NR2E3: variants seen among roughly 807,000 people sequenced by gnomAD.
The protein encoded by NR2E3 is nuclear receptor subfamily 2 group E member 3, also known as photoreceptor-specific nuclear receptor.
In NR2E3, 38 loss-of-function variants were observed where a neutral mutation model predicts 37.6. That is an observed-to-expected ratio of 1.01 (90% confidence interval 0.78 to 1.33). The LOEUF is 1.33. Ranked by LOEUF, NR2E3 falls within the 40% of genes most tolerant of loss-of-function variation. NR2E3 has a pLI of 0.00. For synonymous variants in NR2E3, 235 were observed against 225.1 expected (o/e 1.04, Z -0.39); for missense variants, 562 against 558.7 (o/e 1.01, Z -0.06).
At chr15:71,817,497 G>C in intron 7 of NR2E3, 55 bp from the exon 8 acceptor site, 32 of 1,537,650 alleles carry the variant, frequency 2.1e-5, no homozygotes, top group Non-Finnish European at 2.7e-5. Flanking sequence ...ACCGCCCCAG[G>C]GACTAGTGCT....
Position 71,812,426 on chromosome 15 carries a change from A to G in NR2E3, c.662A>G (p.His221Arg), listed in dbSNP as rs747137740. The G allele has an allele frequency of 8.1e-6, 13 of 1,613,826 alleles. No individual in the cohort carries two copies. Among genetic ancestry groups the G allele is most frequent in the Admixed American group, 5.0e-5 (3 of 59,996 alleles). The change falls in exon 5 of 8, where the codon CAT (histidine) becomes CGT (arginine). Residue 221 changes from histidine (H) to arginine (R), a missense_variant. Physicochemically the swap from His to Arg is conservative, Grantham distance 29. Coordinates refer to ENST00000617575, the MANE Select transcript of NR2E3 (RefSeq NM_014249.4). ...TCCCCCTGCGGCCTGGACAGCATCCATGAGACCTCGGCTCGCCTACTCTTC... is the reference window on the plus strand; with the variant it reads ...TCCCCCTGCGGCCTGGACAGCATCCGTGAGACCTCGGCTCGCCTACTCTTC... ...SSSPCGLDSI[H>R]ETSARLLFMA...
Position 71,811,313 on chromosome 15 carries a change from T to C in NR2E3, c.119-170T>C, listed in dbSNP as rs530391060. 1.3e-5 allele frequency among the ~76,000 whole-genome samples: 2 copies of C among 151,884 alleles called. No individual in the cohort carries two copies. Among genetic ancestry groups the C allele is most frequent in the East Asian group, 3.9e-4 (2 of 5,110 alleles). On this transcript the variant is annotated intron_variant, in intron 1 of 7. Transcript: ENST00000617575. The surrounding 1 kb of genome is among the most constrained non-coding windows in gnomAD (Gnocchi z 5.6). Reference sequence around the variant, plus strand: ...ATGGGGGTGGGGGCTGGGGTGTGGATGCACAGTGAGGGAGACACTTCTCCA... The same window carrying C: ...ATGGGGGTGGGGGCTGGGGTGTGGACGCACAGTGAGGGAGACACTTCTCCA...
intron 7 of NR2E3, chr15:71,817,341 G>A (rs752285693): frequency 5.5e-4 from 218 of 393,238 alleles, no homozygotes; most frequent in Middle Eastern, 7.6e-4. Context: ...CTTGTGATCC[G>A]CCCGCCTCAG....
chr15:71,811,711 A>G lies in NR2E3; in HGVS notation c.246-55A>G, dbSNP rs897215229. 1.3e-6 allele frequency: 2 copies of G among 1,547,512 alleles called. No homozygotes were observed. The highest frequency in any genetic ancestry group is 1.4e-5 in the African/African-American group (1 of 73,092). ...GGCTTGGGCAAAAATGTCCAAGCCC[A>G]TGGCTCAGGGCATGGGAGGGACACT... On this transcript the variant is annotated intron_variant, in intron 2 of 7. Transcript: ENST00000617575. The surrounding 1 kb of genome is among the most constrained non-coding windows in gnomAD (Gnocchi z 5.6).
At chr15:71,817,508 C>T (rs1486648252) in intron 7 of NR2E3, 44 bp from the exon 8 acceptor site, 2 of 1,559,776 alleles carry the variant, frequency 1.3e-6, no homozygotes, top group African/African-American at 1.3e-5. Flanking sequence ...GACTAGTGCT[C>T]AGAAGCTGGT....
rs1490605889 is a variant in NR2E3 at position 71,817,803 on chromosome 15, A to C, written c.*119A>C. On this transcript the variant is annotated 3_prime_UTR_variant, in exon 8 of 8. Transcript: ENST00000617575. ...GTGTGTGTACCCAGCAGAAATGCCC[A>C]CCGAAAGATATTGTAAGAATATTCA... is the stretch of plus-strand genomic sequence containing the variant. 1.2e-6 allele frequency: 1 copy of C among 820,914 alleles called. No homozygotes were observed. Among genetic ancestry groups the C allele is most frequent in the Non-Finnish European group, 1.9e-6 (1 of 539,372 alleles). The allele number at this position is 820,914 out of a possible 1,614,324, so 50.9% of individuals were successfully genotyped here.
In NR2E3 at chr15:71,811,977, G is replaced by A. The variant is rs561598022; in HGVS notation, c.372G>A (p.Pro124=). The change falls in exon 4 of 8, where the codon CCG becomes CCA. Residue 124 remains proline (P), a synonymous_variant. Transcript: ENST00000617575. The surrounding 1 kb of genome is among the most constrained non-coding windows in gnomAD (Gnocchi z 5.6). ...NQDAVQNERQ[P]RSTAQVHLDS... Reference sequence around the variant, plus strand: ...CAGCCGTGCAGAACGAGCGCCAGCCGCGAAGCACAGCCCAGGTCCACCTGG... The same window carrying A: ...CAGCCGTGCAGAACGAGCGCCAGCCACGAAGCACAGCCCAGGTCCACCTGG... The A allele has an allele frequency of 1.1e-4, 163 of 1,552,272 alleles. No homozygotes were observed. Among genetic ancestry groups the A allele is most frequent in the Middle Eastern group, 8.4e-4 (5 of 5,988 alleles).
rs2054177304 is a variant in NR2E3, at chr15:71,811,401, G to T, written c.119-82G>T. Reference sequence around the variant, plus strand: ...TGAGCGGGGCCTGAGGACTGGGAAAGGGACCCGAGGGAAGGAGGGGAGCGT... The same window carrying T: ...TGAGCGGGGCCTGAGGACTGGGAAATGGACCCGAGGGAAGGAGGGGAGCGT... On this transcript the variant is annotated intron_variant, in intron 1 of 7. Coordinates refer to ENST00000617575, the MANE Select transcript of NR2E3 (RefSeq NM_014249.4). This position sits in a 1 kb window ranked among gnomAD's most constrained non-coding sequence, Gnocchi z 5.6. The T allele has an allele frequency of 1.5e-6, 2 of 1,337,650 alleles. No individual in the cohort carries two copies. The highest frequency in any genetic ancestry group is 1.0e-6 in the Non-Finnish European group (1 of 973,892). The allele number at this position is 1,337,650 out of a possible 1,614,324, so 82.9% of individuals were successfully genotyped here.
In NR2E3 at chr15:71,813,242, C is replaced by G; in HGVS notation, c.748-147C>G. 3 of 1,128,768 alleles carry G rather than the reference C, an allele frequency of 2.7e-6. No individual in the cohort carries two copies. The South Asian group carries it at 4.5e-5, about 17-fold the overall frequency. 69.9% of individuals were successfully genotyped at this position (1,128,768 alleles called of 1,614,324 possible). Reference sequence around the variant, plus strand: ...CCGGATGGTGCCAAATCCCAGAGCTCTGAGCCTCTGGCTGATGTCAGGAGA... The same window carrying G: ...CCGGATGGTGCCAAATCCCAGAGCTGTGAGCCTCTGGCTGATGTCAGGAGA... On this transcript the variant is annotated intron_variant, in intron 5 of 7. Coordinates refer to ENST00000617575, the MANE Select transcript of NR2E3 (RefSeq NM_014249.4). The surrounding 1 kb of genome is among the most constrained non-coding windows in gnomAD (Gnocchi z 4.7).
chr15:71,812,892 G>GCA, intron 5 of NR2E3, among the ~76,000 whole-genome samples: 1 of 152,284 alleles, frequency 6.6e-6, no homozygotes, highest in African/African-American at 2.4e-5. Context: ...CCCCCTTGGA[G>GCA]CACAAGTGCC....
In NR2E3 at chr15:71,811,481, A is replaced by C. The variant is rs2723341; in HGVS notation, c.119-2A>C. The C allele has an allele frequency of 6.6e-4, 1,026 of 1,555,058 alleles. No homozygotes were observed. Among genetic ancestry groups the C allele is most frequent in the Non-Finnish European group, 8.0e-4 (919 of 1,149,942 alleles). ...GGCCCAGCCCTGCCCCCTGCCCCTC[A>C]GGCGTGAGCCCCTCGCTCCAGTGCC... is the stretch of plus-strand genomic sequence containing the variant. On this transcript the variant is annotated splice_acceptor_variant, in intron 1 of 7. Transcript: ENST00000617575. LOFTEE classifies it high-confidence loss of function. This position sits in a 1 kb window ranked among gnomAD's most constrained non-coding sequence, Gnocchi z 5.6.
rs535792196 is a variant in NR2E3 at position 71,817,971 on chromosome 15, A to G, written c.*287A>G. The G allele has an allele frequency of 4.5e-6, 1 of 223,702 alleles. No homozygotes were observed. The highest frequency in any genetic ancestry group is 5.1e-5 in the Admixed American group (1 of 19,740). The allele number at this position is 223,702 out of a possible 1,614,324, so 13.9% of individuals were successfully genotyped here. A position where few individuals can be genotyped will look rare whatever the true frequency, so the allele number is the denominator to read the frequency against. The stretch of plus-strand genomic sequence containing the variant: ...GGCAACACAGGTAAACTTCACAGAC[A>G]TAAAAGTTGAATGAAAGAAGCCAGG... On this transcript the variant is annotated 3_prime_UTR_variant, in exon 8 of 8. Transcript: ENST00000617575.
At position 71,817,601 on chromosome 15, in the gene NR2E3, G is replaced by T; in HGVS notation, c.1150G>T (p.Glu384Ter). 6.2e-7 allele frequency: 1 copy of T among 1,609,760 alleles called. No individual in the cohort carries two copies. Among genetic ancestry groups the T allele is most frequent in the Non-Finnish European group, 8.5e-7 (1 of 1,176,370 alleles). ...LLPSLRFITA[E>*]RIELLFFRKT... ...CCCGTCTTTGAGGTTTATCACTGCGGAACGCATCGAGCTCCTCTTTTTCCG... is the reference window on the plus strand; with the variant it reads ...CCCGTCTTTGAGGTTTATCACTGCGTAACGCATCGAGCTCCTCTTTTTCCG... Residue 384 changes from glutamate (E) to a stop codon, truncating the protein, a stop_gained, in exon 8 of 8, where the codon GAA becomes TAA. Transcript: ENST00000617575. LOFTEE classifies it high-confidence loss of function.
chr15:71,811,495 C>T lies in NR2E3; in HGVS notation c.131C>T (p.Ser44Leu), dbSNP rs202098481. 4.0e-4 allele frequency: 625 copies of T among 1,559,318 alleles called. No homozygotes were observed. The highest frequency in any genetic ancestry group is 4.7e-4 in the Non-Finnish European group (538 of 1,152,252). The change falls in exon 2 of 8, where the codon TCG becomes TTG. Residue 44 changes from serine to leucine, a missense_variant. Ser to Leu is a moderately radical substitution (Grantham distance 145, BLOSUM62 -2). Coordinates refer to ENST00000617575, the MANE Select transcript of NR2E3 (RefSeq NM_014249.4). The surrounding 1 kb of genome is among the most constrained non-coding windows in gnomAD (Gnocchi z 5.6). ...LGEDPTGVSPSLQCRVCGDSS... is the reference protein window; with the variant it reads ...LGEDPTGVSPLLQCRVCGDSS... ...CCCTGCCCCTCAGGCGTGAGCCCCT[C>T]GCTCCAGTGCCGCGTGTGCGGAGAC...
In NR2E3 at chr15:71,810,642, A is replaced by G; in HGVS notation, c.-102A>G. 1.3e-6 allele frequency: 2 copies of G among 1,509,576 alleles called. No homozygotes were observed. The highest frequency in any genetic ancestry group is 2.1e-5 in the Admixed American group (1 of 47,640). The allele number at this position is 1,509,576 out of a possible 1,614,324, so 93.5% of individuals were successfully genotyped here. On this transcript the variant is annotated 5_prime_UTR_variant, in exon 1 of 8. Transcript: ENST00000617575. ...GTTCAGACAGAGTTCAGGAAGGGAG[A>G]CAGGGGCACAGAGAGACAGAGGTTC...
At chr15:71,815,320 C>T (rs1347651917) in intron 7 of NR2E3, among the ~76,000 whole-genome samples, 1 of 152,172 alleles carries the variant, frequency 6.6e-6, no homozygotes, top group Non-Finnish European at 1.5e-5. Flanking sequence ...GAAATGATTA[C>T]AAGGAGAAAA....
rs750284532 is a variant in NR2E3 at position 71,811,587 on chromosome 15, G to A, written c.223G>A (p.Val75Ile). 4.4e-5 allele frequency: 71 copies of A among 1,604,086 alleles called. No individual in the cohort carries two copies. The African/African-American group carries it at 4.8e-4, about 11-fold the overall frequency. The change falls in exon 2 of 8, where the codon GTA becomes ATA. Residue 75 changes from valine to isoleucine, a missense_variant. Physicochemically the swap from Val to Ile is conservative, Grantham distance 29. Transcript: ENST00000617575. The surrounding 1 kb of genome is among the most constrained non-coding windows in gnomAD (Gnocchi z 5.6). ...CTGCAGCGGCTTCTTCAAGAGGAGC[G>A]TACGGCGGAGGCTCATCTACAGGTG... ...NGCSGFFKRS[V>I]RRRLIYRCQV... is the part of the protein sequence containing the mutation.
chr15:71,810,960 A>C, intron 1 of NR2E3, 99 bp downstream of exon 1: 3 of 1,279,764 alleles, frequency 2.3e-6, no homozygotes, highest in Admixed American at 2.9e-5. Context: ...AGAACAACTC[A>C]GACCCAGCCC....
intron 1 of NR2E3, 114 bp downstream of exon 1, chr15:71,810,975 G>A (rs1160750378): frequency 8.5e-6 from 10 of 1,174,076 alleles, no homozygotes; most frequent in African/African-American, 3.1e-5. Flanking sequence ...CAGCCCCGCC[G>A]GCTGTGGGCA....
Sources: allele counts gnomAD v4.1 joint callset (sites outside exome capture counted in the v4.1 genomes callset), GRCh38; gene constraint gnomAD v4.1.1; non-coding constraint Gnocchi (gnomAD v3.1); transcripts MANE v1.5; gene names NCBI Gene and HGNC (gene_info 2026-07-23, HGNC 2026-07-21).